The following NFAT5 variants were observed in gnomAD, a reference collection of about 807,000 sequenced individuals.
The protein encoded by NFAT5 is nuclear factor of activated T-cells 5.
In NFAT5, 31 loss-of-function variants were observed where a neutral mutation model predicts 166.5. The ratio of observed to expected loss-of-function variants is 0.19; its 90% CI spans 0.14 to 0.25. The LOEUF is 0.25. Among genes scored for constraint, NFAT5 ranks in the 10% least tolerant of loss-of-function variants. The pLI is 1.00. For missense variants in NFAT5, 1,449 were observed against 1,821.8 expected (o/e 0.80, Z 3.72); for synonymous variants, 612 against 639.7 (o/e 0.96, Z 0.65).
At position 69,568,497 on chromosome 16, in the gene NFAT5, T is replaced by C; in HGVS notation, c.76T>C (p.Ser26Pro). 6.2e-7 allele frequency: 1 copy of C among 1,612,504 alleles called. No homozygotes were observed. Among genetic ancestry groups the C allele is most frequent in the African/African-American group, 1.3e-5 (1 of 74,946 alleles). Residue 26 changes from serine (S) to proline (P), a missense_variant and splice_region_variant, in exon 2 of 15, where the codon TCT becomes CCT. Around this residue, in one of 7 missense-constraint regions of NFAT5, gnomAD observed 172 missense variants for 194.5 expected, o/e 0.88. Transcript: ENST00000349945. Reference sequence around the variant, plus strand: ...CTAATGCTTTTTGTGTTTTTCAGATTCTCTGAAGTTACACCCATCACAGAA... The same window carrying C: ...CTAATGCTTTTTGTGTTTTTCAGATCCTCTGAAGTTACACCCATCACAGAA... ...ESPKSLYSRDSLKLHPSQNFH... is the reference protein window; with the variant it reads ...ESPKSLYSRDPLKLHPSQNFH...
chr16:69,571,697 A>AAT (rs2016447071), intron 2 of NFAT5, among the ~76,000 whole-genome samples: 2 of 151,762 alleles, frequency 1.3e-5, no homozygotes, highest in African/African-American at 4.8e-5. Flanking sequence ...TCCAAATTTA[A>AAT]ATTTTTTTTT....
chr16:69,604,640 T>C (rs1324175164), intron 2 of NFAT5, among the ~76,000 whole-genome samples: 1 of 152,188 alleles, frequency 6.6e-6, no homozygotes, highest in Non-Finnish European at 1.5e-5. Flanking sequence ...GAAAACCCTG[T>C]TGTGCAACCA....
intron 2 of NFAT5, among the ~76,000 whole-genome samples, chr16:69,600,759 T>TAAA (rs2033084400): frequency 2.0e-5 from 1 of 48,992 alleles, no homozygotes; most frequent in African/African-American, 1.2e-4. Flanking sequence ...AGGAATACTT[T>TAAA]GAAAAAAAAA....
chr16:69,671,101 C>G (rs879645071), intron 9 of NFAT5, among the ~76,000 whole-genome samples: 4 of 152,060 alleles, frequency 2.6e-5, no homozygotes, highest in Non-Finnish European at 5.9e-5. Context: ...TTTTTTATTC[C>G]TTTGTGTATT....
chr16:69,603,965 T>G (rs1161930185), intron 2 of NFAT5, among the ~76,000 whole-genome samples: 1 of 152,242 alleles, frequency 6.6e-6, no homozygotes, highest in Non-Finnish European at 1.5e-5. Flanking sequence ...TATATTATAC[T>G]TAATTATATA....
intron 2 of NFAT5, among the ~76,000 whole-genome samples, chr16:69,581,558 A>G (rs2031694303): frequency 6.6e-6 from 1 of 152,116 alleles, no homozygotes. Context: ...TTTCATTTTT[A>G]CCAGCAGTGT....
Position 69,566,599 on chromosome 16 carries a change from G to A in NFAT5, c.73+225G>A, listed in dbSNP as rs1485164072. On this transcript the variant is annotated intron_variant, in intron 1 of 14. Coordinates refer to ENST00000349945, the MANE Select transcript of NFAT5 (RefSeq NM_138713.4). The surrounding 1 kb of genome is among the most constrained non-coding windows in gnomAD (Gnocchi z 5.7). ...CCCCGCGGAGCCGCCGGCCGCTCGG[G>A]GCCCAGATTCCGTCGGCCCCCGGGG... Among the ~76,000 whole-genome samples, 4 of 151,972 alleles carry A rather than the reference G, an allele frequency of 2.6e-5. No individual in the cohort carries two copies. Among genetic ancestry groups the A allele is most frequent in the African/African-American group, 9.7e-5 (4 of 41,406 alleles).
chr16:69,673,917 A>G (rs908424697), intron 9 of NFAT5, among the ~76,000 whole-genome samples: 5 of 152,146 alleles, frequency 3.3e-5, no homozygotes, highest in African/African-American at 1.2e-4. Context: ...CAAACCCAAA[A>G]TCAATTCATC....
intron 3 of NFAT5, among the ~76,000 whole-genome samples, chr16:69,637,573 G>A (rs2035021094): frequency 1.3e-5 from 2 of 152,142 alleles, no homozygotes; most frequent in Non-Finnish European, 2.9e-5. Flanking sequence ...GAGAAAATGA[G>A]GAAGAAGCAA....
In NFAT5 at chr16:69,670,046, A is replaced by T. The variant is rs2036561989; in HGVS notation, c.1439A>T (p.Glu480Val). The change falls in exon 8 of 15, where the codon GAA becomes GTA. Residue 480 changes from glutamate to valine, a missense_variant. Glu to Val is a moderately radical substitution (Grantham distance 121). Coordinates refer to ENST00000349945, the MANE Select transcript of NFAT5 (RefSeq NM_138713.4). ...AGCTGTTCAGTGAAAGGAGAAGAAG[A>T]AGTGTTTTTAATCGGCAAGAACTTT... ...LHSCSVKGEEEVFLIGKNFLK... is the reference protein window; with the variant it reads ...LHSCSVKGEEVVFLIGKNFLK... 1 of 1,613,128 alleles carries T rather than the reference A, an allele frequency of 6.2e-7. No individual in the cohort carries two copies. Among genetic ancestry groups the T allele is most frequent in the Admixed American group, 1.7e-5 (1 of 59,780 alleles).
At chr16:69,646,559 T>C in intron 3 of NFAT5, 1 of 1,258,364 alleles carries the variant, frequency 7.9e-7, no homozygotes, top group African/African-American at 1.5e-5. Context: ...AAAAATGACC[T>C]GTAGTTCTCT....
intron 2 of NFAT5, among the ~76,000 whole-genome samples, chr16:69,599,476 C>T (rs1445278416): frequency 6.6e-6 from 1 of 152,130 alleles, no homozygotes; most frequent in East Asian, 1.9e-4. Flanking sequence ...GCTCGGGAGG[C>T]AGGAGAATTG....
rs751187444 is a variant in NFAT5 at position 69,691,981 on chromosome 16, G to A, written c.2156G>A (p.Ser719Asn). 1.2e-6 allele frequency: 2 copies of A among 1,614,016 alleles called. No homozygotes were observed. Among genetic ancestry groups the A allele is most frequent in the Non-Finnish European group, 1.7e-6 (2 of 1,180,042 alleles). ...AVSASSQLPNSDALLQQATQF... is the reference protein window; with the variant it reads ...AVSASSQLPNNDALLQQATQF... Reference sequence around the variant, plus strand: ...TCTGCTTCTAGTCAGCTGCCCAACAGCGATGCACTATTGCAGCAGGCTACA... The same window carrying A: ...TCTGCTTCTAGTCAGCTGCCCAACAACGATGCACTATTGCAGCAGGCTACA... Residue 719 changes from serine to asparagine, a missense_variant, in exon 13 of 15, where the codon AGC (serine) becomes AAC (asparagine). Coordinates refer to ENST00000349945, the MANE Select transcript of NFAT5 (RefSeq NM_138713.4).
intron 3 of NFAT5, chr16:69,644,668 C>T (rs1477659130): frequency 1.5e-5 from 4 of 266,002 alleles, no homozygotes; most frequent in East Asian, 1.0e-4. Flanking sequence ...ATAAGATTTG[C>T]AAGATAAAAT....
At chr16:69,582,071 G>A (rs1044833263) in intron 2 of NFAT5, among the ~76,000 whole-genome samples, 15 of 152,144 alleles carry the variant, frequency 9.9e-5, no homozygotes, top group Admixed American at 7.9e-4. Context: ...TCAGGACCAG[G>A]CTGGGCAACA....
intron 2 of NFAT5, among the ~76,000 whole-genome samples, chr16:69,610,507 G>T (rs372843455): frequency 6.6e-6 from 1 of 152,098 alleles, no homozygotes; most frequent in Non-Finnish European, 1.5e-5. Flanking sequence ...TTATGTGCCA[G>T]GCATAATAAT....
rs542301844 is a variant in NFAT5 at position 69,702,945 on chromosome 16, A to G, written c.*6594A>G. ...TTTGGCATTTTCCTACCACTTACTA[A>G]AAGGTTTACATTAAATGACTGATTT... On this transcript the variant is annotated 3_prime_UTR_variant, in exon 15 of 15. Transcript: ENST00000349945. 2.6e-5 allele frequency: 4 copies of G among 152,758 alleles called. No homozygotes were observed. The South Asian group carries it at 8.3e-4, about 32-fold the overall frequency. 9.5% of individuals were successfully genotyped at this position (152,758 alleles called of 1,614,324 possible).
chr16:69,584,549 C>G (rs1158272721), intron 2 of NFAT5, among the ~76,000 whole-genome samples: 1 of 151,860 alleles, frequency 6.6e-6, no homozygotes, highest in Non-Finnish European at 1.5e-5. Context: ...AGGCTGGTCT[C>G]GAATTCCTGA....
In NFAT5 at chr16:69,566,377, G is replaced by A; in HGVS notation, c.73+3G>A. 1 of 1,557,938 alleles carries A rather than the reference G, an allele frequency of 6.4e-7. No individual in the cohort carries two copies. The highest frequency in any genetic ancestry group is 8.8e-7 in the Non-Finnish European group (1 of 1,136,528). ...GCCCAAGTCCCTCTACTCGCGAGGT[G>A]AGTCAGGCTGTGGGGGGTGGGGCGT... On this transcript the variant is annotated splice_donor_region_variant and intron_variant, in intron 1 of 14. Coordinates refer to ENST00000349945, the MANE Select transcript of NFAT5 (RefSeq NM_138713.4). The surrounding 1 kb of genome is among the most constrained non-coding windows in gnomAD (Gnocchi z 5.7).
Sources: allele counts gnomAD v4.1 joint callset (sites outside exome capture counted in the v4.1 genomes callset), GRCh38; gene constraint gnomAD v4.1.1; regional missense constraint gnomAD v4.1.1; non-coding constraint Gnocchi (gnomAD v3.1); transcripts MANE v1.5; gene names NCBI Gene and HGNC (gene_info 2026-07-23, HGNC 2026-07-21).